BLTP3B: variants seen among roughly 807,000 people sequenced by gnomAD.
BLTP3B encodes bridge-like lipid transfer protein family member 3B, also known as UHRF1 (ICBP90) binding protein 1-like.
chr12:100,081,889 C>G, the BLTP3B span, among the ~76,000 whole-genome samples: 1 of 152,118 alleles, frequency 6.6e-6, no homozygotes. Context: ...TGCACGTTAT[C>G]TTTGGTAGAA....
chr12:100,112,557 G>C, the BLTP3B span, among the ~76,000 whole-genome samples: 1 of 151,574 alleles, frequency 6.6e-6, no homozygotes, highest in Non-Finnish European at 1.5e-5. Context: ...AAATTTCCAA[G>C]CAAATGAAAA....
chr12:100,057,990 ATAAAT>A, the BLTP3B span: 34 of 1,528,216 alleles, frequency 2.2e-5, no homozygotes, highest in Non-Finnish European at 2.7e-5. Flanking sequence ...GCTCCACAAA[ATAAAT>A]TAATTTTTAA....
the BLTP3B span, among the ~76,000 whole-genome samples, chr12:100,081,204 T>C: frequency 6.6e-6 from 1 of 152,162 alleles, no homozygotes; most frequent in East Asian, 1.9e-4. Flanking sequence ...ATCAGAAGCA[T>C]GAAAATGGAC....
chr12:100,104,012 A>T, the BLTP3B span: 5 of 1,283,940 alleles, frequency 3.9e-6, no homozygotes, highest in African/African-American at 1.5e-5. Context: ...TGTAAACAGT[A>T]ATCAATACAG....
chr12:100,134,271 A>G, the BLTP3B span, among the ~76,000 whole-genome samples: 1 of 152,190 alleles, frequency 6.6e-6, no homozygotes, highest in Non-Finnish European at 1.5e-5. Context: ...TATAGTCTAA[A>G]TTAGATCACA....
chr12:100,127,891 T>C, the BLTP3B span, among the ~76,000 whole-genome samples: 1 of 152,024 alleles, frequency 6.6e-6, no homozygotes, highest in Non-Finnish European at 1.5e-5. Flanking sequence ...TACATGCCTG[T>C]AGTCCCAGCT....
At chr12:100,091,034 T>C in the BLTP3B span, among the ~76,000 whole-genome samples, 12 of 151,682 alleles carry the variant, frequency 7.9e-5, no homozygotes, top group Non-Finnish European at 1.3e-4. Context: ...TAATCCTTTT[T>C]TTTTTTTTTT....
chr12:100,062,920 C>A, the BLTP3B span, among the ~76,000 whole-genome samples: 1 of 150,750 alleles, frequency 6.6e-6, no homozygotes, highest in Admixed American at 6.6e-5. Context: ...ACGATTGTGC[C>A]ACAGTACTCC....
the BLTP3B span, among the ~76,000 whole-genome samples, chr12:100,123,368 G>A: frequency 6.6e-6 from 1 of 152,132 alleles, no homozygotes; most frequent in African/African-American, 2.4e-5. Context: ...GTAGTGTATA[G>A]GGAAACTCTC....
chr12:100,108,296 A>G, the BLTP3B span: 1 of 1,339,230 alleles, frequency 7.5e-7, no homozygotes. Flanking sequence ...ATTATCTAAA[A>G]TTAAGTATTT....
At chr12:100,047,335 T>C in the BLTP3B span, among the ~76,000 whole-genome samples, 2 of 151,974 alleles carry the variant, frequency 1.3e-5, no homozygotes, top group East Asian at 3.9e-4. Flanking sequence ...CCATCTCTAC[T>C]AAAAATACAA....
At chr12:100,085,990 C>T in the BLTP3B span, among the ~76,000 whole-genome samples, 1 of 151,836 alleles carries the variant, frequency 6.6e-6, no homozygotes, top group Non-Finnish European at 1.5e-5. Flanking sequence ...AAACACATGT[C>T]CTCTGTACCC....
chr12:100,118,336 G>A, the BLTP3B span, among the ~76,000 whole-genome samples: 3 of 152,058 alleles, frequency 2.0e-5, no homozygotes, highest in Non-Finnish European at 4.4e-5. Context: ...AGGCTGCAGT[G>A]AGTCATAATC....
the BLTP3B span, chr12:100,059,251 T>C: frequency 6.8e-6 from 11 of 1,614,016 alleles, no homozygotes; most frequent in Non-Finnish European, 9.3e-6. Context: ...TGGGGAGTAA[T>C]ATTTCCTTTA....
the BLTP3B span, among the ~76,000 whole-genome samples, chr12:100,077,916 G>GTA: frequency 2.0e-5 from 3 of 152,080 alleles, no homozygotes; most frequent in Non-Finnish European, 4.4e-5. Flanking sequence ...AGTATATATA[G>GTA]TATACTGTAG....
the BLTP3B span, among the ~76,000 whole-genome samples, chr12:100,053,503 G>A: frequency 6.6e-6 from 1 of 152,156 alleles, no homozygotes; most frequent in Non-Finnish European, 1.5e-5. Flanking sequence ...GAGGTAGGCT[G>A]ATAGTCCAGT....
At chr12:100,070,058 G>A in the BLTP3B span, 5,798 of 1,408,990 alleles carry the variant, frequency 4.1e-3, 24 homozygotes, top group Middle Eastern at 6.5e-3. Context: ...AATGAATTTA[G>A]ATTTACAAGA....
the BLTP3B span, among the ~76,000 whole-genome samples, chr12:100,065,518 G>C: frequency 1.3e-5 from 2 of 152,084 alleles, no homozygotes; most frequent in African/African-American, 4.8e-5. Flanking sequence ...ATTCCTGGGG[G>C]GAGGTCTATA....
chr12:100,095,037 T>C, the BLTP3B span, among the ~76,000 whole-genome samples: 1 of 152,222 alleles, frequency 6.6e-6, no homozygotes, highest in Non-Finnish European at 1.5e-5. Context: ...TTGCATAAAA[T>C]TATTTAAAAT....
Sources: gnomAD v4.1 joint callset for allele counts (sites outside exome capture counted in the v4.1 genomes callset) on GRCh38, gnomAD v4.1.1 for gene constraint, MANE v1.5 for transcripts, NCBI Gene and HGNC (gene_info 2026-07-23, HGNC 2026-07-21) for gene names.